RETREG1: variants seen among roughly 807,000 people sequenced by gnomAD.
RETREG1 encodes the protein reticulophagy regulator 1.
Under a neutral mutation model 54.8 loss-of-function variants are expected in RETREG1, and 44 were observed. The ratio of observed to expected loss-of-function variants is 0.80; its 90% CI spans 0.63 to 1.03. RETREG1 has a LOEUF of 1.03. Among genes scored for constraint, RETREG1 ranks in the 50% least tolerant of loss-of-function variants. The pLI is 0.00. For synonymous variants in RETREG1, 217 were observed against 238.5 expected (o/e 0.91, Z 0.83); for missense variants, 554 against 605.1 (o/e 0.92, Z 0.89).
chr5:16,492,853 C>T (rs145251456), intron 3 of RETREG1, among the ~76,000 whole-genome samples: 1 of 152,246 alleles, frequency 6.6e-6, no homozygotes, highest in East Asian at 1.9e-4. Context: ...ACCATGACAA[C>T]GCAAATAAGA....
In RETREG1 at chr5:16,577,016, C is replaced by T. The variant is rs78208521; in HGVS notation, c.321-4914G>A. Among the ~76,000 whole-genome samples the T allele has an allele frequency of 8.0e-3, 1,155 of 143,660 alleles. 11 individuals are homozygous for T. The highest frequency in any genetic ancestry group is 0.027 in the African/African-American group (1,067 of 40,058). 94.2% of individuals were successfully genotyped at this position (143,660 alleles called of 152,430 possible). On this transcript the variant is annotated intron_variant, in intron 1 of 8. Transcript: ENST00000306320. ...AATATCCCATCAAGGTTCATATTTC[C>T]CCACTCATTTTTGTGTGCACGCACA... is the stretch of plus-strand genomic sequence containing the variant.
At chr5:16,485,444 C>T (rs944041675) in intron 3 of RETREG1, among the ~76,000 whole-genome samples, 1 of 152,178 alleles carries the variant, frequency 6.6e-6, no homozygotes, top group Non-Finnish European at 1.5e-5. Context: ...GCTGGGATTA[C>T]AGGCATGAAC....
At chr5:16,556,153 CT>C (rs1169625228) in intron 3 of RETREG1, among the ~76,000 whole-genome samples, 35 of 100,306 alleles carry the variant, frequency 3.5e-4, no homozygotes, top group African/African-American at 7.7e-4. Context: ...CAGGAAACAC[CT>C]TTTTTTTTTC....
intron 8 of RETREG1, among the ~76,000 whole-genome samples, chr5:16,477,045 T>C (rs1321529425): frequency 6.6e-6 from 1 of 152,166 alleles, no homozygotes; most frequent in Non-Finnish European, 1.5e-5. Flanking sequence ...CCTAAATGTG[T>C]AGGATTAGCG....
chr5:16,580,964 C>T (rs984002768), intron 1 of RETREG1, among the ~76,000 whole-genome samples: 1 of 152,166 alleles, frequency 6.6e-6, no homozygotes, highest in Admixed American at 6.5e-5. Flanking sequence ...CCTAGTCACC[C>T]GCTGAATGCA....
chr5:16,606,911 C>T (rs1161355332), intron 1 of RETREG1, among the ~76,000 whole-genome samples: 2 of 152,136 alleles, frequency 1.3e-5, no homozygotes, highest in East Asian at 3.9e-4. Flanking sequence ...CACTGTTTCC[C>T]CCTTGCTCAC....
At position 16,616,868 on chromosome 5, in the gene RETREG1, G is replaced by A. The variant is rs1220818958; in HGVS notation, c.104C>T (p.Ala35Val). ...PSPPPPQASP[A>V]ERQQQEEEAQ... The stretch of plus-strand genomic sequence containing the variant: ...TTCCTCCTCCTGCTGCTGCCGCTCT[G>A]CGGGGGATGCCTGGGGCGGTGGCGG... Residue 35 changes from alanine to valine, a missense_variant, in exon 1 of 9, where the codon GCA becomes GTA. Physicochemically the swap from Ala to Val is moderately conservative, Grantham distance 64. Around this residue, in one of 4 missense-constraint regions of RETREG1, gnomAD observed 175 missense variants for 142.1 expected, o/e 1.23. Transcript: ENST00000306320. 1 of 1,502,842 alleles carries A rather than the reference G, an allele frequency of 6.7e-7. No individual in the cohort carries two copies. Among genetic ancestry groups the A allele is most frequent in the African/African-American group, 1.5e-5 (1 of 68,860 alleles). The allele number at this position is 1,502,842 out of a possible 1,614,324, so 93.1% of individuals were successfully genotyped here.
chr5:16,589,119 A>C (rs16868819), intron 1 of RETREG1, among the ~76,000 whole-genome samples: 8,977 of 152,220 alleles, frequency 0.059, 403 homozygotes, highest in Non-Finnish European at 0.087. Flanking sequence ...TGCCTAGAAA[A>C]CACCACCCCC....
At chr5:16,609,082 G>A (rs551661225) in intron 1 of RETREG1, among the ~76,000 whole-genome samples, 40 of 152,216 alleles carry the variant, frequency 2.6e-4, no homozygotes, top group East Asian at 9.7e-4. Context: ...ATGGCATTCC[G>A]AGTCCCACTA....
At chr5:16,553,901 TG>T (rs1168967080) in intron 3 of RETREG1, among the ~76,000 whole-genome samples, 4 of 152,160 alleles carry the variant, frequency 2.6e-5, no homozygotes, top group African/African-American at 9.7e-5. Flanking sequence ...GATAGGTTGT[TG>T]AAAGAGAGCA....
rs78547463 is a variant in RETREG1 at position 16,606,654 on chromosome 5, TC to T, written c.320+9997del. On this transcript the variant is annotated intron_variant, in intron 1 of 8. Transcript: ENST00000306320. ...AGTCATCTAGCCCATAGCCTTTCTC[TC>T]CCCCTACCCACCAAATCATTCTGTC... is the stretch of plus-strand genomic sequence containing the variant. Among the ~76,000 whole-genome samples the T allele has an allele frequency of 9.7e-3, 1,479 of 152,026 alleles. 15 individuals carry two copies. The highest frequency in any genetic ancestry group is 0.058 in the East Asian group (298 of 5,150).
intron 4 of RETREG1, among the ~76,000 whole-genome samples, chr5:16,482,300 G>A (rs780374827): frequency 4.6e-5 from 7 of 151,954 alleles, no homozygotes; most frequent in Non-Finnish European, 1.0e-4. Context: ...TACATTTGTA[G>A]CATCATCATT....
chr5:16,591,027 A>G (rs1275957772), intron 1 of RETREG1, among the ~76,000 whole-genome samples: 1 of 152,184 alleles, frequency 6.6e-6, no homozygotes, highest in African/African-American at 2.4e-5. Context: ...CCAAAAACCA[A>G]TTGAGAGAAC....
intron 3 of RETREG1, among the ~76,000 whole-genome samples, chr5:16,518,051 T>C (rs1289527627): frequency 6.7e-6 from 1 of 149,688 alleles, no homozygotes; most frequent in African/African-American, 2.4e-5. Flanking sequence ...TCATGTGAAA[T>C]ATACATTTAT....
chr5:16,573,060 G>A (rs1341580796), intron 1 of RETREG1, among the ~76,000 whole-genome samples: 1 of 151,722 alleles, frequency 6.6e-6, no homozygotes, highest in Non-Finnish European at 1.5e-5. Context: ...GCGTGCGCCT[G>A]CAGTCCCAGC....
chr5:16,514,431 T>C (rs1231362625), intron 3 of RETREG1, among the ~76,000 whole-genome samples: 1 of 152,214 alleles, frequency 6.6e-6, no homozygotes, highest in Non-Finnish European at 1.5e-5. Context: ...ATTTTGGAAT[T>C]TGTATTTTTG....
At chr5:16,606,882 A>C (rs1743205001) in intron 1 of RETREG1, among the ~76,000 whole-genome samples, 2 of 152,140 alleles carry the variant, frequency 1.3e-5, no homozygotes, top group African/African-American at 4.8e-5. Flanking sequence ...TTGTGGCATG[A>C]AGTTCTGAGC....
chr5:16,526,318 G>A (rs1171559871), intron 3 of RETREG1, among the ~76,000 whole-genome samples: 1 of 152,198 alleles, frequency 6.6e-6, no homozygotes, highest in African/African-American at 2.4e-5. Context: ...ATGCTTACTG[G>A]GAGCGTATTC....
At chr5:16,528,543 G>T (rs543148927) in intron 3 of RETREG1, among the ~76,000 whole-genome samples, 2 of 152,246 alleles carry the variant, frequency 1.3e-5, no homozygotes, top group Admixed American at 6.5e-5. Context: ...AAGATTAGGG[G>T]GCCAAGGAGG....
Sources: gnomAD v4.1 joint callset for allele counts (sites outside exome capture counted in the v4.1 genomes callset) on GRCh38, gnomAD v4.1.1 for gene constraint, gnomAD v4.1.1 regional missense constraint, MANE v1.5 for transcripts, NCBI Gene and HGNC (gene_info 2026-07-23, HGNC 2026-07-21) for gene names.